Variants in BIN1 observed in about 807,000 individuals in gnomAD.
BIN1 encodes the protein bridging integrator 1.
In BIN1, 53 loss-of-function variants were observed where a neutral mutation model predicts 82.0. That is an observed-to-expected ratio of 0.65 (90% CI 0.52 to 0.81). BIN1 has a LOEUF of 0.81. Ranked by LOEUF, BIN1 falls within the 40% of genes least tolerant of loss-of-function variation. The probability of loss-of-function intolerance (pLI) is 0.00; values close to 1 mark genes in which losing one functional copy is unlikely to be tolerated. For synonymous variants in BIN1, 302 were observed against 328.0 expected, an observed-to-expected ratio of 0.92 and a Z score of 0.86; for missense variants, 642 against 784.4, an observed-to-expected ratio of 0.82 and a Z score of 2.17.
chr2:127,057,482 G>C lies in BIN1; in HGVS notation c.1122C>G (p.Thr374=), dbSNP rs1386270090. Residue 374 remains threonine (T), a synonymous_variant, in exon 12 of 19, where the codon ACC becomes ACG. Transcript: ENST00000316724. This position sits in a 1 kb window ranked among gnomAD's most constrained non-coding sequence, Gnocchi z 5.0. ...GGCGGCCGCGGCTGACCTGGGAGGG[G>C]GTGGTCACGCTGATCTCAGGGACAA... is the stretch of plus-strand genomic sequence containing the variant. ...DTFVPEISVT[T]PSQFEAPGPF... The C allele has an allele frequency of 1.3e-6, 2 of 1,547,382 alleles. No individual in the cohort carries two copies. Among genetic ancestry groups the C allele is most frequent in the South Asian group, 2.4e-5 (2 of 83,418 alleles).
rs996252420 is a variant in BIN1, at chr2:127,090,219, A to C, written c.85-13513T>G. On this transcript the variant is annotated intron_variant, in intron 1 of 18. Transcript: ENST00000316724. This position sits in a 1 kb window ranked among gnomAD's most constrained non-coding sequence, Gnocchi z 6.4. The stretch of plus-strand genomic sequence containing the variant: ...CCTTTGGGAAAAGGGTAAACCGACA[A>C]GAGGCCCCATGGAAATCAACCAAAC... 6.6e-6 allele frequency among the ~76,000 whole-genome samples: 1 copy of C among 152,188 alleles called. No homozygotes were observed. The highest frequency in any genetic ancestry group is 1.9e-4 in the East Asian group (1 of 5,192).
intron 1 of BIN1, among the ~76,000 whole-genome samples, chr2:127,091,724 AC>A (rs1234116034): frequency 8.5e-6 from 1 of 118,062 alleles, no homozygotes; most frequent in Non-Finnish European, 1.8e-5. Context: ...CCCCATTTCT[AC>A]AAAAAAAAAA....
intron 2 of BIN1, among the ~76,000 whole-genome samples, chr2:127,074,851 C>T (rs55948843): frequency 0.18 from 26,890 of 152,114 alleles, 2,492 homozygotes; most frequent in South Asian, 0.25. Context: ...TACAGGCACA[C>T]ACCACCACGC....
Position 127,067,336 on chromosome 2 carries a change from C to G in BIN1, c.612+827G>C, listed in dbSNP as rs1240434459. ...CTCAGTTTCATTGGCGAGAAAACCA[C>G]ATGACCCACCTCTCACAGGGCACTG... On this transcript the variant is annotated intron_variant, in intron 7 of 18. Transcript: ENST00000316724. This position sits in a 1 kb window ranked among gnomAD's most constrained non-coding sequence, Gnocchi z 4.7. Among the ~76,000 whole-genome samples, 3 of 152,240 alleles carry G rather than the reference C, an allele frequency of 2.0e-5. No homozygotes were observed. Among genetic ancestry groups the G allele is most frequent in the Non-Finnish European group, 4.4e-5 (3 of 68,054 alleles).
intron 1 of BIN1, among the ~76,000 whole-genome samples, chr2:127,089,380 C>T (rs1030090628): frequency 6.6e-6 from 1 of 152,112 alleles, no homozygotes; most frequent in Non-Finnish European, 1.5e-5. Flanking sequence ...ACTTCAGGAG[C>T]GCAGTGGGGC....
In BIN1 at chr2:127,104,546, C is replaced by A. The variant is rs533869207; in HGVS notation, c.84+2314G>T. On this transcript the variant is annotated intron_variant, in intron 1 of 18. Coordinates refer to ENST00000316724, the MANE Select transcript of BIN1 (RefSeq NM_139343.3). ...CCCAGCACAGCTCCTGCCATCCTTG[C>A]TCAGGAAACGCCTTCCTGTAGCCAC... 4.3e-4 allele frequency among the ~76,000 whole-genome samples: 66 copies of A among 152,302 alleles called. No homozygotes were observed. The South Asian group carries it at 0.013, about 31-fold the overall frequency.
intron 1 of BIN1, among the ~76,000 whole-genome samples, chr2:127,077,199 C>T (rs796403857): frequency 2.0e-4 from 31 of 152,316 alleles, no homozygotes; most frequent in African/African-American, 7.0e-4. Flanking sequence ...GGAGCCATCC[C>T]GGAACAAGGA....
chr2:127,093,410 C>A lies in BIN1; in HGVS notation c.84+13450G>T, dbSNP rs1334285629. Among the ~76,000 whole-genome samples, 1 of 152,180 alleles carries A rather than the reference C, an allele frequency of 6.6e-6. No homozygotes were observed. Among genetic ancestry groups the A allele is most frequent in the Non-Finnish European group, 1.5e-5 (1 of 68,032 alleles). On this transcript the variant is annotated intron_variant, in intron 1 of 18. Transcript: ENST00000316724. The surrounding 1 kb of genome is among the most constrained non-coding windows in gnomAD (Gnocchi z 5.7). ...TTTTCCCCAAAGCCAGCCATGAAACCCAGATAGTTCACTCTCTCCCACTCC... is the reference window on the plus strand; with the variant it reads ...TTTTCCCCAAAGCCAGCCATGAAACACAGATAGTTCACTCTCTCCCACTCC...
intron 1 of BIN1, chr2:127,081,736 AC>A: frequency 8.3e-7 from 1 of 1,201,158 alleles, no homozygotes; most frequent in Non-Finnish European, 1.1e-6. Context: ...CCCCACCCCC[AC>A]ACACACATGG....
chr2:127,056,642 C>G (rs994041549), intron 12 of BIN1, among the ~76,000 whole-genome samples: 4 of 152,206 alleles, frequency 2.6e-5, no homozygotes, highest in African/African-American at 4.8e-5. Context: ...AGGGTCCTGG[C>G]CTACCCACAG....
rs375019349 is a variant in BIN1 at position 127,089,203 on chromosome 2, G to A, written c.85-12497C>T. 2.2e-4 allele frequency among the ~76,000 whole-genome samples: 33 copies of A among 152,252 alleles called. No homozygotes were observed. The East Asian group carries it at 5.0e-3, about 23-fold the overall frequency. On this transcript the variant is annotated intron_variant, in intron 1 of 18. Coordinates refer to ENST00000316724, the MANE Select transcript of BIN1 (RefSeq NM_139343.3). Reference sequence around the variant, plus strand: ...TCCCAACCCCAGGCCTGGGTCCATCGGTGAGGAGCTTTAACCACTGCACAT... The same window carrying A: ...TCCCAACCCCAGGCCTGGGTCCATCAGTGAGGAGCTTTAACCACTGCACAT...
rs981864828 is a variant in BIN1 at position 127,082,795 on chromosome 2, C to T, written c.85-6089G>A. Reference sequence around the variant, plus strand: ...CCCCATCCCCACTCCGACAGTGGAGCCACCTAAGCCTGCTCCCCACCTCTG... The same window carrying T: ...CCCCATCCCCACTCCGACAGTGGAGTCACCTAAGCCTGCTCCCCACCTCTG... On this transcript the variant is annotated intron_variant, in intron 1 of 18. Transcript: ENST00000316724. The surrounding 1 kb of genome is among the most constrained non-coding windows in gnomAD (Gnocchi z 6.1). Among the ~76,000 whole-genome samples, 7 of 152,114 alleles carry T rather than the reference C, an allele frequency of 4.6e-5. No homozygotes were observed. The highest frequency in any genetic ancestry group is 4.6e-4 in the Admixed American group (7 of 15,284).
intron 12 of BIN1, chr2:127,056,551 T>A (rs893307696): frequency 2.0e-5 from 3 of 152,526 alleles, no homozygotes; most frequent in Non-Finnish European, 4.4e-5. Flanking sequence ...ACTAGGCGTC[T>A]GAGCTGTGTG....
At chr2:127,102,436 T>C (rs1331708879) in intron 1 of BIN1, among the ~76,000 whole-genome samples, 4 of 152,208 alleles carry the variant, frequency 2.6e-5, no homozygotes, top group African/African-American at 7.2e-5. Context: ...TCATGAAATA[T>C]GGAGGGAATC....
At chr2:127,083,416 A>G (rs1687554900) in intron 1 of BIN1, among the ~76,000 whole-genome samples, 1 of 152,118 alleles carries the variant, frequency 6.6e-6, no homozygotes, top group African/African-American at 2.4e-5. Context: ...CTGCATTTGT[A>G]TGTTTGCCCA....
Position 127,059,001 on chromosome 2 carries a change from T to A in BIN1, c.1002+10A>T. ...GGGCAGGGGACCTGCTACCAAGACA[T>A]CACTCCTACCTGAGATGGGGACTTG... On this transcript the variant is annotated intron_variant, in intron 11 of 18. Transcript: ENST00000316724. The surrounding 1 kb of genome is among the most constrained non-coding windows in gnomAD (Gnocchi z 6.7). 1 of 1,555,126 alleles carries A rather than the reference T, an allele frequency of 6.4e-7. No individual in the cohort carries two copies. The highest frequency in any genetic ancestry group is 8.7e-7 in the Non-Finnish European group (1 of 1,149,474).
rs1682783802 is a variant in BIN1 at position 127,050,542 on chromosome 2, C to CA, written c.1573-21dup. 1 of 1,613,500 alleles carries CA rather than the reference C, an allele frequency of 6.2e-7. No homozygotes were observed. The highest frequency in any genetic ancestry group is 8.5e-7 in the Non-Finnish European group (1 of 1,179,454). ...CTGTACCTGCAGAGGATGCGGATCG[C>CA]AAGTCAGACCTTCCGTCCCACCTCC... On this transcript the variant is annotated intron_variant, in intron 17 of 18. Transcript: ENST00000316724.
intron 1 of BIN1, among the ~76,000 whole-genome samples, chr2:127,098,622 G>C (rs889447978): frequency 6.6e-6 from 1 of 152,112 alleles, no homozygotes; most frequent in Non-Finnish European, 1.5e-5. Flanking sequence ...TGGGATCTAG[G>C]TCACAACGGG....
Position 127,068,135 on chromosome 2 carries a change from C to CACGT in BIN1, c.612+24_612+27dup. The CACGT allele has an allele frequency of 6.2e-7, 1 of 1,604,376 alleles. No homozygotes were observed. Among genetic ancestry groups the CACGT allele is most frequent in the Non-Finnish European group, 8.5e-7 (1 of 1,173,966 alleles). ...AGGACGACAGACCGGAAGGCGCCAG[C>CACGT]ACGTGCAAGGTTAGAAGCCAGTGTC... On this transcript the variant is annotated intron_variant, in intron 7 of 18. Transcript: ENST00000316724. The surrounding 1 kb of genome is among the most constrained non-coding windows in gnomAD (Gnocchi z 4.9).
Sources: gnomAD v4.1 joint callset for allele counts (sites outside exome capture counted in the v4.1 genomes callset) on GRCh38, gnomAD v4.1.1 for gene constraint, Gnocchi (gnomAD v3.1) non-coding constraint, MANE v1.5 for transcripts, NCBI Gene and HGNC (gene_info 2026-07-23, HGNC 2026-07-21) for gene names.